The following CAPRIN1 variants were observed in gnomAD, a reference collection of about 807,000 sequenced individuals.
CAPRIN1 encodes caprin-1.
A neutral mutation model predicts 100.9 loss-of-function variants in CAPRIN1; 29 were observed. That is an observed-to-expected ratio of 0.29 (90% CI 0.21 to 0.39). The LOEUF (loss-of-function observed/expected upper bound fraction) is 0.39, where lower values mean the gene tolerates loss of function less well. CAPRIN1 is among the 10% of genes least tolerant of loss of function. The pLI is 1.00. For synonymous variants in CAPRIN1, 338 were observed against 307.5 expected, an observed-to-expected ratio of 1.10 and a Z score of -1.04; for missense variants, 795 against 876.7, an observed-to-expected ratio of 0.91 and a Z score of 1.18.
intron 7 of CAPRIN1, among the ~76,000 whole-genome samples, chr11:34,081,818 T>TG (rs1425552210): frequency 6.6e-6 from 1 of 151,298 alleles, no homozygotes; most frequent in African/African-American, 2.4e-5. Flanking sequence ...TTCTTTTTTG[T>TG]GGGGGACAGG....
At chr11:34,060,151 G>A (rs1025059641) in intron 2 of CAPRIN1, among the ~76,000 whole-genome samples, 13 of 141,148 alleles carry the variant, frequency 9.2e-5, no homozygotes, top group African/African-American at 2.7e-4. Flanking sequence ...AGCCGAGATC[G>A]CGCCACTGTT....
intron 2 of CAPRIN1, chr11:34,053,259 T>G: frequency 1.9e-6 from 1 of 524,814 alleles, no homozygotes; most frequent in Non-Finnish European, 2.4e-6. Flanking sequence ...TGCGATGGGC[T>G]CCCCTGCGTT....
intron 13 of CAPRIN1, 93 bp downstream of exon 13, chr11:34,090,382 T>C: frequency 8.0e-7 from 1 of 1,250,310 alleles, no homozygotes; most frequent in South Asian, 1.3e-5. Context: ...GATTCTTCTT[T>C]TTGGACCTAC....
rs776527958 is a variant in CAPRIN1, at chr11:34,083,036, G to T, written c.961G>T (p.Val321Phe). Residue 321 changes from valine (V) to phenylalanine (F), a missense_variant, in exon 9 of 19, where the codon GTT (valine) becomes TTT (phenylalanine). Around this residue, in one of 3 missense-constraint regions of CAPRIN1, gnomAD observed 648 missense variants for 697.9 expected, o/e 0.93. Coordinates refer to ENST00000341394, the MANE Select transcript of CAPRIN1 (RefSeq NM_005898.5). ...GGTAGATGAGTGGACAGTTGAAACG[G>T]TTGAGGTAAGAGTTCTCTGTATTGC... ...EQVDEWTVET[V>F]EVVNSLQQQP... 1 of 1,611,098 alleles carries T rather than the reference G, an allele frequency of 6.2e-7. No homozygotes were observed. The highest frequency in any genetic ancestry group is 1.1e-5 in the South Asian group (1 of 91,030).
chr11:34,052,956 T>G, intron 2 of CAPRIN1: 1 of 1,181,180 alleles, frequency 8.5e-7, no homozygotes, highest in South Asian at 2.0e-5. Context: ...TCGTCAGGAC[T>G]TCACTGTATG....
chr11:34,052,411 C>T lies in CAPRIN1; in HGVS notation c.1-10C>T. The stretch of plus-strand genomic sequence containing the variant: ...TCCCGCTTTTTCTTCTCTCTCCTTG[C>T]GGTCTGAAGATGCCCTCGGCCACCA... On this transcript the variant is annotated splice_polypyrimidine_tract_variant and intron_variant, in intron 1 of 18. Transcript: ENST00000341394. The T allele has an allele frequency of 2.5e-6, 4 of 1,602,506 alleles. No individual in the cohort carries two copies. The highest frequency in any genetic ancestry group is 2.6e-6 in the Non-Finnish European group (3 of 1,175,490).
At chr11:34,095,584 T>C (rs575392370) in intron 15 of CAPRIN1, among the ~76,000 whole-genome samples, 1 of 152,262 alleles carries the variant, frequency 6.6e-6, no homozygotes, top group Non-Finnish European at 1.5e-5. Flanking sequence ...CTTTTCTCTC[T>C]GCCCCAAAAG....
intron 1 of CAPRIN1, 37 bp from the exon 2 acceptor site, chr11:34,052,383 TC>T: frequency 1.1e-5 from 17 of 1,551,456 alleles, no homozygotes; most frequent in Non-Finnish European, 1.4e-5. Context: ...CTCTTGTCCT[TC>T]CTCCCGCTTT....
intron 2 of CAPRIN1, among the ~76,000 whole-genome samples, chr11:34,060,178 AGAGT>A (rs1850546350): frequency 7.0e-6 from 1 of 142,510 alleles, no homozygotes; most frequent in Non-Finnish European, 1.5e-5. Flanking sequence ...CCTGGGCAAC[AGAGT>A]GATACTCCAT....
At chr11:34,096,801 A>G (rs1159064669) in intron 16 of CAPRIN1, 128 bp downstream of exon 16, 1 of 638,354 alleles carries the variant, frequency 1.6e-6, no homozygotes, top group Non-Finnish European at 2.6e-6. Flanking sequence ...CAATTTAAAC[A>G]ATGTATATTT....
chr11:34,087,479 G>C (rs1385693168), intron 11 of CAPRIN1, among the ~76,000 whole-genome samples: 1 of 141,906 alleles, frequency 7.0e-6, no homozygotes, highest in East Asian at 2.0e-4. Flanking sequence ...GACTACAGGC[G>C]CCCGCCACTA....
chr11:34,090,510 C>T lies in CAPRIN1; in HGVS notation c.1405-19C>T. The T allele has an allele frequency of 6.2e-7, 1 of 1,605,476 alleles. No individual in the cohort carries two copies. The highest frequency in any genetic ancestry group is 1.7e-5 in the Admixed American group (1 of 59,752). On this transcript the variant is annotated intron_variant, in intron 13 of 18. Coordinates refer to ENST00000341394, the MANE Select transcript of CAPRIN1 (RefSeq NM_005898.5). ...AGTTTAGTTTACCGCTAAAGTGCAT[C>T]TATTCACTTTGTGTTTAGGCAACAA...
chr11:34,052,502 G>A lies in CAPRIN1; in HGVS notation c.82G>A (p.Ala28Thr). 2.5e-6 allele frequency: 4 copies of A among 1,605,190 alleles called. No homozygotes were observed. The highest frequency in any genetic ancestry group is 3.4e-6 in the Non-Finnish European group (4 of 1,176,982). ...PPPSGSSGSE[A>T]AAGAGAAAPA... ...GCCGTCGGGTTCCTCCGGGAGTGAG[G>A]CGGCCGCGGGAGCCGGGGCCGCCGC... Residue 28 changes from alanine to threonine, a missense_variant, in exon 2 of 19, where the codon GCG becomes ACG. By Grantham distance (58) the Ala-to-Thr change is moderately conservative. Around this residue, in one of 3 missense-constraint regions of CAPRIN1, gnomAD observed 109 missense variants for 86.6 expected, o/e 1.26. Coordinates refer to ENST00000341394, the MANE Select transcript of CAPRIN1 (RefSeq NM_005898.5).
At position 34,052,402 on chromosome 11, in the gene CAPRIN1, C is replaced by T. The variant is rs1269754221; in HGVS notation, c.1-19C>T. The stretch of plus-strand genomic sequence containing the variant: ...TGTCCTTCCTCCCGCTTTTTCTTCT[C>T]TCTCCTTGCGGTCTGAAGATGCCCT... On this transcript the variant is annotated intron_variant, in intron 1 of 18. Coordinates refer to ENST00000341394, the MANE Select transcript of CAPRIN1 (RefSeq NM_005898.5). 6 of 1,599,312 alleles carry T rather than the reference C, an allele frequency of 3.8e-6. No homozygotes were observed. The highest frequency in any genetic ancestry group is 3.4e-6 in the Non-Finnish European group (4 of 1,172,920).
At position 34,100,617 on chromosome 11, in the gene CAPRIN1, T is replaced by TG. The variant is rs1851439667; in HGVS notation, c.*1251dup. ...TCTCCAGCAACATTTCTCTAGTACTTGCACTTATTATCTTTTGTCTAATTT... is the reference window on the plus strand; with the variant it reads ...TCTCCAGCAACATTTCTCTAGTACTTGGCACTTATTATCTTTTGTCTAATTT... On this transcript the variant is annotated 3_prime_UTR_variant, in exon 19 of 19. Transcript: ENST00000341394. 1 of 152,260 alleles carries TG rather than the reference T, an allele frequency of 6.6e-6. No individual in the cohort carries two copies. The highest frequency in any genetic ancestry group is 2.4e-5 in the African/African-American group (1 of 41,468). 9.4% of individuals were successfully genotyped at this position (152,260 alleles called of 1,614,324 possible).
At chr11:34,066,951 AGACAG>A (rs1850710900) in intron 2 of CAPRIN1, among the ~76,000 whole-genome samples, 1 of 144,840 alleles carries the variant, frequency 6.9e-6, no homozygotes, top group Non-Finnish European at 1.5e-5. Flanking sequence ...TTTTTTTTTA[AGACAG>A]TCTTACTCTG....
intron 2 of CAPRIN1, chr11:34,055,593 C>G (rs1850434114): frequency 6.6e-6 from 1 of 152,292 alleles, no homozygotes. Context: ...TCCCAGAGTG[C>G]TGGGATTACA....
chr11:34,079,905 G>GTTTTTTTTTTTTTTTTTTTTTT (rs377455073), intron 7 of CAPRIN1, 140 bp downstream of exon 7: 1 of 316,654 alleles, frequency 3.2e-6, no homozygotes, highest in African/African-American at 2.9e-5. Flanking sequence ...GCATGACAAA[G>GTTTTTTTTTTTTTTTTTTTTTT]TTTTTTTTTT....
intron 11 of CAPRIN1, 25 bp downstream of exon 11, chr11:34,086,438 G>A (rs1201924138): frequency 7.3e-7 from 1 of 1,372,376 alleles, no homozygotes; most frequent in Non-Finnish European, 1.0e-6. Context: ...ATTTTTATGT[G>A]AGAGAGAAAT....
Sources: allele counts gnomAD v4.1 joint callset (sites outside exome capture counted in the v4.1 genomes callset), GRCh38; gene constraint gnomAD v4.1.1; regional missense constraint gnomAD v4.1.1; transcripts MANE v1.5; gene names NCBI Gene and HGNC (gene_info 2026-07-23, HGNC 2026-07-21).